ATL1: variants seen among roughly 807,000 people sequenced by gnomAD.
The protein encoded by ATL1 is atlastin-1.
In ATL1, 31 loss-of-function variants were observed where a neutral mutation model predicts 75.5. The observed-to-expected ratio is 0.41, with a 90% CI of 0.31 to 0.55. The LOEUF (loss-of-function observed/expected upper bound fraction) is 0.55. Ranked by LOEUF, ATL1 falls within the 20% of genes least tolerant of loss-of-function variation. The pLI, the probability that ATL1 is intolerant of heterozygous loss-of-function variation, is 0.27. For synonymous variants in ATL1, 226 were observed against 233.3 expected (o/e 0.97, Z 0.28); for missense variants, 405 against 662.6 (o/e 0.61, Z 4.27).
intron 9 of ATL1, 82 bp downstream of exon 9, chr14:50,620,808 C>A: frequency 6.7e-7 from 1 of 1,493,864 alleles, no homozygotes; most frequent in African/African-American, 1.4e-5. Flanking sequence ...AAATTATAGA[C>A]CCGATAATAT....
intron 1 of ATL1, among the ~76,000 whole-genome samples, chr14:50,548,021 G>A (rs1315838835): frequency 6.6e-6 from 1 of 152,196 alleles, no homozygotes; most frequent in African/African-American, 2.4e-5. Context: ...GTCTCTTGCA[G>A]ATGTGGAGAC....
rs750229341 is a variant in ATL1, at chr14:50,620,737, C to G, written c.990+11C>G. The G allele has an allele frequency of 6.2e-7, 1 of 1,612,542 alleles. No individual in the cohort carries two copies. Among genetic ancestry groups the G allele is most frequent in the Non-Finnish European group, 8.5e-7 (1 of 1,179,010 alleles). On this transcript the variant is annotated intron_variant, in intron 9 of 13. Transcript: ENST00000358385. ...GTGGAGTACTTCAAGGTATCACTCT[C>G]ATTTCTAGAGCATTCGTGGGATAGA...
chr14:50,620,482 T>C lies in ATL1; in HGVS notation c.863-117T>C. 3.7e-6 allele frequency: 4 copies of C among 1,092,022 alleles called. No homozygotes were observed. In the South Asian group the frequency reaches 5.5e-5, roughly 15 times the overall value. The allele number at this position is 1,092,022 out of a possible 1,614,324, so 67.6% of individuals were successfully genotyped here. ...AGGAGTCGCTTAAATGATGGGGAAGTGAGTGATGGCATTATCACTGGGGAG... is the reference window on the plus strand; with the variant it reads ...AGGAGTCGCTTAAATGATGGGGAAGCGAGTGATGGCATTATCACTGGGGAG... On this transcript the variant is annotated intron_variant, in intron 8 of 13. Transcript: ENST00000358385.
chr14:50,547,608 G>A (rs926112945), intron 1 of ATL1, among the ~76,000 whole-genome samples: 1 of 152,148 alleles, frequency 6.6e-6, no homozygotes, highest in African/African-American at 2.4e-5. Flanking sequence ...GTACAGATAG[G>A]CCAGAACCCC....
intron 8 of ATL1, among the ~76,000 whole-genome samples, chr14:50,618,744 T>C (rs1171682306): frequency 1.3e-5 from 2 of 152,128 alleles, no homozygotes; most frequent in African/African-American, 2.4e-5. Flanking sequence ...TCTGCTAAAA[T>C]TTAGATTTTT....
chr14:50,573,568 TATCTC>T (rs1488961931), intron 1 of ATL1, among the ~76,000 whole-genome samples: 1 of 152,234 alleles, frequency 6.6e-6, no homozygotes, highest in Non-Finnish European at 1.5e-5. Context: ...TTTTTATAAA[TATCTC>T]ATGTACATTT....
At chr14:50,586,130 T>C (rs1300540755) in intron 1 of ATL1, among the ~76,000 whole-genome samples, 1 of 152,202 alleles carries the variant, frequency 6.6e-6, no homozygotes, top group Non-Finnish European at 1.5e-5. Context: ...TAAAACTTCT[T>C]ATCAAATAGA....
At chr14:50,591,503 A>T (rs575423341) in intron 3 of ATL1, 32 bp from the exon 4 acceptor site, 1 of 1,442,452 alleles carries the variant, frequency 6.9e-7, no homozygotes, top group South Asian at 1.1e-5. Context: ...ATGTTCTATA[A>T]AATATCAATA....
Position 50,584,939 on chromosome 14 carries a change from G to A in ATL1, c.35-2892G>A, listed in dbSNP as rs538497392. On this transcript the variant is annotated intron_variant, in intron 1 of 13. Transcript: ENST00000358385. ...TTAGAAACTAGAAGACTCTTGCTAT[G>A]CATGTAACTAACAAAGGGATAGCAT... Among the ~76,000 whole-genome samples the A allele has an allele frequency of 1.2e-4, 18 of 152,114 alleles. No individual in the cohort carries two copies. The South Asian group carries it at 1.5e-3, about 12-fold the overall frequency.
In ATL1 at chr14:50,588,096, T is replaced by G. The variant is rs754290939; in HGVS notation, c.282+18T>G. The G allele has an allele frequency of 1.9e-6, 3 of 1,614,012 alleles. No individual in the cohort carries two copies. The highest frequency in any genetic ancestry group is 4.5e-5 in the East Asian group (2 of 44,888). On this transcript the variant is annotated intron_variant, in intron 2 of 13. Transcript: ENST00000358385. ...ACAACCAGGTATGCAGGAAGTACTT[T>G]AAAAAGTTTTCTTTCTTCTGTGCTT...
At chr14:50,600,975 A>C in intron 6 of ATL1, among the ~76,000 whole-genome samples, 1 of 151,988 alleles carries the variant, frequency 6.6e-6, no homozygotes, top group African/African-American at 2.4e-5. Flanking sequence ...AAAGAACTAC[A>C]GCGCCTGTAG....
At chr14:50,593,732 A>T in intron 4 of ATL1, 114 bp from the exon 5 acceptor site, 1 of 692,904 alleles carries the variant, frequency 1.4e-6, no homozygotes, top group Non-Finnish European at 2.6e-6. Context: ...GTAAGCATGT[A>T]CATAAGAGAG....
At chr14:50,560,815 C>G (rs1014408225) in intron 1 of ATL1, among the ~76,000 whole-genome samples, 1 of 152,154 alleles carries the variant, frequency 6.6e-6, no homozygotes, top group South Asian at 2.1e-4. Context: ...AACAATGAGG[C>G]GGAGCGCGCC....
chr14:50,557,479 T>C (rs1230602466), upstream of ATL1, among the ~76,000 whole-genome samples: 1 of 152,252 alleles, frequency 6.6e-6, no homozygotes, highest in Non-Finnish European at 1.5e-5. Context: ...TTTAACATTG[T>C]ATTCTGGAAA....
intron 4 of ATL1, 103 bp downstream of exon 4, chr14:50,591,742 A>T: frequency 1.2e-6 from 1 of 840,552 alleles, no homozygotes; most frequent in East Asian, 2.7e-5. Flanking sequence ...GAAATTGGGA[A>T]TCATATATAT....
chr14:50,599,150 T>G (rs561099562), intron 6 of ATL1, among the ~76,000 whole-genome samples: 145 of 152,274 alleles, frequency 9.5e-4, no homozygotes, highest in African/African-American at 3.3e-3. Flanking sequence ...ATGAACAGAT[T>G]GGTAGAAGAC....
intron 1 of ATL1, among the ~76,000 whole-genome samples, chr14:50,534,200 G>A (rs1341530142): frequency 6.6e-6 from 1 of 152,052 alleles, no homozygotes; most frequent in Admixed American, 6.5e-5. Flanking sequence ...GTTTACACTT[G>A]CGTTACTCCA....
At chr14:50,580,840 T>G (rs1030675289) in intron 1 of ATL1, among the ~76,000 whole-genome samples, 4 of 152,116 alleles carry the variant, frequency 2.6e-5, no homozygotes, top group African/African-American at 9.6e-5. Context: ...TGGAATTTCC[T>G]TTGCATGAAG....
chr14:50,538,693 C>A (rs1454049059), intron 1 of ATL1, among the ~76,000 whole-genome samples: 2 of 152,180 alleles, frequency 1.3e-5, no homozygotes, highest in Non-Finnish European at 2.9e-5. Context: ...TGCAGGATTC[C>A]AGTAAGTTCT....
Sources: allele counts gnomAD v4.1 joint callset (sites outside exome capture counted in the v4.1 genomes callset), GRCh38; gene constraint gnomAD v4.1.1; transcripts MANE v1.5; gene names NCBI Gene and HGNC (gene_info 2026-07-23, HGNC 2026-07-21).